Variants in MOCOS observed in about 807,000 individuals in gnomAD.
MOCOS encodes human molybdenum cofactor sulfurase.
A neutral mutation model predicts 83.6 loss-of-function variants in MOCOS; 86 were observed. The ratio of observed to expected loss-of-function variants is 1.03; its 90% CI spans 0.86 to 1.23. The LOEUF (loss-of-function observed/expected upper bound fraction) is 1.23, where lower values mean the gene tolerates loss of function less well. Among genes scored for constraint, MOCOS ranks in the 50% most tolerant of loss-of-function variants. The probability of loss-of-function intolerance (pLI) is 0.00; values close to 1 mark genes in which losing one functional copy is unlikely to be tolerated. For synonymous variants in MOCOS, 445 were observed against 434.7 expected (o/e 1.02, Z -0.29); for missense variants, 1,120 against 1,126.9 (o/e 0.99, Z 0.09).
intron 8 of MOCOS, among the ~76,000 whole-genome samples, chr18:36,219,540 A>G (rs1001999727): frequency 6.6e-6 from 1 of 151,878 alleles, no homozygotes; most frequent in Non-Finnish European, 1.5e-5. Context: ...TTAGCCGGGC[A>G]TGGTGGCAGG....
At chr18:36,244,904 G>T (rs1568064635) in intron 9 of MOCOS, among the ~76,000 whole-genome samples, 1 of 151,984 alleles carries the variant, frequency 6.6e-6, no homozygotes, top group Non-Finnish European at 1.5e-5. Context: ...TTAAACTGTT[G>T]TTGCTTTAAA....
rs115482235 is a variant in MOCOS, at chr18:36,243,954, A to G, written c.1961-4968A>G. ...GATCTTTTGTATTTCTGTGGTTTCA[A>G]TTGTAATATTGCCCATTTCATTTCT... is the stretch of plus-strand genomic sequence containing the variant. On this transcript the variant is annotated intron_variant, in intron 9 of 14. Coordinates refer to ENST00000261326, the MANE Select transcript of MOCOS (RefSeq NM_017947.4). 8.2e-3 allele frequency among the ~76,000 whole-genome samples: 1,247 copies of G among 152,076 alleles called. 13 individuals are homozygous for G. The highest frequency in any genetic ancestry group is 0.029 in the African/African-American group (1,189 of 41,540).
Position 36,211,842 on chromosome 18 carries a change from C to G in MOCOS, c.1219-1524C>G, listed in dbSNP as rs1277785806. Reference sequence around the variant, plus strand: ...AGAATCTGGGCTGATCTGTGACTCGCTCATAGCTAACAGAGTGCCGGGAGG... The same window carrying G: ...AGAATCTGGGCTGATCTGTGACTCGGTCATAGCTAACAGAGTGCCGGGAGG... On this transcript the variant is annotated intron_variant, in intron 6 of 14. Transcript: ENST00000261326. Among the ~76,000 whole-genome samples the G allele has an allele frequency of 3.3e-5, 5 of 151,376 alleles. No homozygotes were observed. In the East Asian group the frequency reaches 9.6e-4, roughly 29 times the overall value.
chr18:36,233,825 TA>T (rs2091547692), intron 9 of MOCOS, among the ~76,000 whole-genome samples: 1 of 152,196 alleles, frequency 6.6e-6, no homozygotes, highest in Non-Finnish European at 1.5e-5. Context: ...TGGCCATTTG[TA>T]TATCTTCTTT....
intron 9 of MOCOS, among the ~76,000 whole-genome samples, chr18:36,231,421 A>G (rs1346006960): frequency 6.6e-6 from 1 of 152,224 alleles, no homozygotes; most frequent in African/African-American, 2.4e-5. Context: ...GGATATTAAC[A>G]TACATTAATT....
Position 36,221,228 on chromosome 18 carries a change from TTTAC to T in MOCOS, c.1960+1015_1960+1018del, listed in dbSNP as rs576858320. ...GGGACACTAGAACTGAATTTTAAAT[TTTAC>T]TTAATTTTAATTAGTTTAAATAGCT... On this transcript the variant is annotated intron_variant, in intron 9 of 14. Transcript: ENST00000261326. 7.2e-5 allele frequency among the ~76,000 whole-genome samples: 11 copies of T among 152,332 alleles called. No homozygotes were observed. In the East Asian group the frequency reaches 2.1e-3, roughly 29 times the overall value.
At position 36,250,445 on chromosome 18, in the gene MOCOS, G is replaced by T. The variant is rs1029182677; in HGVS notation, c.2040-714G>T. ...ATAGGCAGAGGATCACTCTGGGAGTGTGAAGGGCTATACCCCCAGGAAAGC... is the reference window on the plus strand; with the variant it reads ...ATAGGCAGAGGATCACTCTGGGAGTTTGAAGGGCTATACCCCCAGGAAAGC... On this transcript the variant is annotated intron_variant, in intron 10 of 14. Transcript: ENST00000261326. 8.5e-5 allele frequency among the ~76,000 whole-genome samples: 13 copies of T among 152,218 alleles called. No homozygotes were observed. The East Asian group carries it at 2.5e-3, about 29-fold the overall frequency.
intron 13 of MOCOS, among the ~76,000 whole-genome samples, chr18:36,264,034 G>T (rs1415544005): frequency 2.6e-5 from 4 of 152,060 alleles, no homozygotes; most frequent in African/African-American, 9.7e-5. Context: ...AATTAGGTGG[G>T]CGTGGTGGCT....
Position 36,220,085 on chromosome 18 carries a change from C to T in MOCOS, c.1828C>T (p.Leu610=). 1 of 1,613,604 alleles carries T rather than the reference C, an allele frequency of 6.2e-7. No homozygotes were observed. The highest frequency in any genetic ancestry group is 8.5e-7 in the Non-Finnish European group (1 of 1,180,022). The part of the protein sequence containing the change: ...VTRWPVGNQG[L]LYDRSWMVVN... Reference sequence around the variant, plus strand: ...CAGGTGGCCTGTAGGAAACCAAGGGCTGCTATATGACCGGAGCTGGATGGT... The same window carrying T: ...CAGGTGGCCTGTAGGAAACCAAGGGTTGCTATATGACCGGAGCTGGATGGT... The change falls in exon 9 of 15, where the codon CTG becomes TTG. Residue 610 remains leucine, a synonymous_variant. Coordinates refer to ENST00000261326, the MANE Select transcript of MOCOS (RefSeq NM_017947.4).
chr18:36,193,948 T>C (rs1303813278), intron 1 of MOCOS, among the ~76,000 whole-genome samples: 1 of 152,248 alleles, frequency 6.6e-6, no homozygotes, highest in Non-Finnish European at 1.5e-5. Context: ...AATGGAATAC[T>C]ATTCTGCCAT....
At chr18:36,193,509 T>C (rs574350437) in intron 1 of MOCOS, among the ~76,000 whole-genome samples, 1 of 152,208 alleles carries the variant, frequency 6.6e-6, no homozygotes, top group Admixed American at 6.5e-5. Context: ...CTTCAATAAG[T>C]GATATTGGGA....
chr18:36,249,594 G>T (rs1184391786), intron 10 of MOCOS, among the ~76,000 whole-genome samples: 1 of 152,006 alleles, frequency 6.6e-6, no homozygotes, highest in Non-Finnish European at 1.5e-5. Context: ...GACCTGATTT[G>T]CATGTTGAGA....
rs548223949 is a variant in MOCOS at position 36,193,180 on chromosome 18, G to A, written c.143-2077G>A. On this transcript the variant is annotated intron_variant, in intron 1 of 14. Coordinates refer to ENST00000261326, the MANE Select transcript of MOCOS (RefSeq NM_017947.4). ...CAAAAAATTAGCCGGGCGCGGTGGC[G>A]GGCGCCTGTAGTCCCAGCTACTCGG... Among the ~76,000 whole-genome samples the A allele has an allele frequency of 9.3e-5, 14 of 150,122 alleles. No individual in the cohort carries two copies. The East Asian group carries it at 2.4e-3, about 26-fold the overall frequency.
chr18:36,220,201 G>GGTCATCA lies in MOCOS; in HGVS notation c.1945_1951dup (p.Lys651SerfsTer15). ...TCATCGACTTGCGGCAAAGGATCAT[G>GGTCATCA]GTCATCAAAGCCAAAGGTGGGAAAA... On this transcript the variant is annotated frameshift_variant, in exon 9 of 15. Transcript: ENST00000261326. LOFTEE classifies it high-confidence loss of function. 6.2e-7 allele frequency: 1 copy of GGTCATCA among 1,614,152 alleles called. No individual in the cohort carries two copies. The highest frequency in any genetic ancestry group is 8.5e-7 in the Non-Finnish European group (1 of 1,180,038).
In MOCOS at chr18:36,199,927, G is replaced by A; in HGVS notation, c.544G>A (p.Glu182Lys). The A allele has an allele frequency of 6.2e-7, 1 of 1,614,188 alleles. No individual in the cohort carries two copies. The highest frequency in any genetic ancestry group is 8.5e-7 in the Non-Finnish European group (1 of 1,180,038). The change falls in exon 4 of 15, where the codon GAA (glutamate) becomes AAA (lysine). Residue 182 changes from glutamate (E) to lysine (K), a missense_variant. Coordinates refer to ENST00000261326, the MANE Select transcript of MOCOS (RefSeq NM_017947.4). ...VRPEDLWSAE[E>K]RSASASNPDC... ...GCCAGAGGACCTGTGGTCTGCAGAG[G>A]AACGTAGTGCTTCAGCCAGCAACCC... is the stretch of plus-strand genomic sequence containing the variant.
intron 10 of MOCOS, among the ~76,000 whole-genome samples, chr18:36,249,864 T>C (rs1228677594): frequency 6.6e-6 from 1 of 152,210 alleles, no homozygotes; most frequent in East Asian, 1.9e-4. Flanking sequence ...AGGTGATAAC[T>C]CACAGATTAT....
chr18:36,204,436 T>A (rs2091426731), intron 5 of MOCOS, among the ~76,000 whole-genome samples: 1 of 152,160 alleles, frequency 6.6e-6, no homozygotes, highest in South Asian at 2.1e-4. Context: ...ACATTAATAA[T>A]AAAAACAAAC....
chr18:36,193,317 CAAAAAAAAAAAAAAAAAA>C lies in MOCOS; in HGVS notation c.143-1919_143-1902del, dbSNP rs555145311. Among the ~76,000 whole-genome samples, 176 of 38,308 alleles carry C rather than the reference CAAAAAAAAAAAAAAAAAA, an allele frequency of 4.6e-3. 1 individual carries two copies. The highest frequency in any genetic ancestry group is 0.017 in the African/African-American group (162 of 9,784). 25.1% of individuals were successfully genotyped at this position (38,308 alleles called of 152,430 possible). ...TGGGCGACAGAGCGAGACTCCGTCT[CAAAAAAAAAAAAAAAAAA>C]AAAAAAAAAAAAAAAAAAAAGTTAC... On this transcript the variant is annotated intron_variant, in intron 1 of 14. Transcript: ENST00000261326.
At chr18:36,191,323 G>A (rs1394923366) in intron 1 of MOCOS, among the ~76,000 whole-genome samples, 2 of 152,224 alleles carry the variant, frequency 1.3e-5, no homozygotes, top group Non-Finnish European at 2.9e-5. Context: ...TGCCAAAGGA[G>A]GGTGAAGAAT....
Sources: allele counts gnomAD v4.1 joint callset (sites outside exome capture counted in the v4.1 genomes callset), GRCh38; gene constraint gnomAD v4.1.1; transcripts MANE v1.5; gene names NCBI Gene and HGNC (gene_info 2026-07-23, HGNC 2026-07-21).